HLCS: variants seen among roughly 807,000 people sequenced by gnomAD.
HLCS encodes biotin--protein ligase.
Under a neutral mutation model 75.0 loss-of-function variants are expected in HLCS, and 53 were observed. The observed-to-expected ratio is 0.71, with a 90% CI of 0.57 to 0.89. The LOEUF is 0.89. Among genes scored for constraint, HLCS ranks in the 40% least tolerant of loss-of-function variants. The pLI is 0.00. For missense variants in HLCS, 966 were observed against 1,074.0 expected (o/e 0.90, Z 1.41); for synonymous variants, 431 against 428.6 (o/e 1.01, Z -0.07).
chr21:36,914,947 G>A (rs771734528), intron 5 of HLCS, among the ~76,000 whole-genome samples: 7 of 152,268 alleles, frequency 4.6e-5, no homozygotes, highest in Non-Finnish European at 8.8e-5. Flanking sequence ...CATGGAAAAC[G>A]CTGGGGCTGA....
At chr21:36,763,370 C>T (rs78019651) in intron 8 of HLCS, among the ~76,000 whole-genome samples, 451 of 152,278 alleles carry the variant, frequency 3.0e-3, no homozygotes, top group Non-Finnish European at 5.3e-3. Context: ...TGCTCAAGGC[C>T]GGGCACCTGA....
At chr21:36,764,181 A>G (rs1032212630) in intron 8 of HLCS, among the ~76,000 whole-genome samples, 1 of 152,086 alleles carries the variant, frequency 6.6e-6, no homozygotes, top group Non-Finnish European at 1.5e-5. Context: ...GGCGGATCAC[A>G]AGGTCAAGAG....
chr21:36,845,388 G>A (rs1482672467), intron 6 of HLCS, among the ~76,000 whole-genome samples: 4 of 152,124 alleles, frequency 2.6e-5, no homozygotes, highest in Non-Finnish European at 4.4e-5. Context: ...CAGCTGTACG[G>A]ATGGGACTGC....
At chr21:36,909,022 A>C (rs1361831038) in intron 5 of HLCS, among the ~76,000 whole-genome samples, 1 of 151,998 alleles carries the variant, frequency 6.6e-6, no homozygotes, top group Non-Finnish European at 1.5e-5. Context: ...GTGAAACTCC[A>C]CCTCTACCAA....
chr21:36,983,632 T>A (rs920173227), intron 1 of HLCS, among the ~76,000 whole-genome samples: 1 of 151,678 alleles, frequency 6.6e-6, no homozygotes, highest in South Asian at 2.1e-4. Context: ...GGTCAGGAGA[T>A]CGAGACCATC....
At chr21:36,966,740 G>C (rs2068617553), upstream of HLCS, 1 of 415,246 alleles carries the variant, frequency 2.4e-6, no homozygotes, top group African/African-American at 2.2e-5. Flanking sequence ...CCCCGGGCCA[G>C]GCGGCGCGGG....
At chr21:36,967,085 G>T (rs1221550724), upstream of HLCS, among the ~76,000 whole-genome samples, 2 of 152,086 alleles carry the variant, frequency 1.3e-5, no homozygotes, top group Non-Finnish European at 2.9e-5. Context: ...GCCAAGTCCG[G>T]CCTCCCTTCC....
At chr21:36,963,002 G>C (rs557556247) in intron 1 of HLCS, among the ~76,000 whole-genome samples, 1 of 152,160 alleles carries the variant, frequency 6.6e-6, no homozygotes, top group South Asian at 2.1e-4. Flanking sequence ...GCAAGTCTCT[G>C]GATGCTCACA....
chr21:36,971,600 G>A (rs549636252), upstream of HLCS, among the ~76,000 whole-genome samples: 159 of 152,052 alleles, frequency 1.0e-3, 1 homozygote, highest in African/African-American at 3.2e-3. Flanking sequence ...AGACTGAGGC[G>A]GGCAGATCAC....
chr21:36,803,743 G>GT (rs1367685198), intron 6 of HLCS, among the ~76,000 whole-genome samples: 3 of 83,694 alleles, frequency 3.6e-5, no homozygotes, highest in East Asian at 3.6e-4. Flanking sequence ...TGTTTTGTTT[G>GT]TTTTTTTATT....
At chr21:36,813,631 C>T (rs993716974) in intron 6 of HLCS, among the ~76,000 whole-genome samples, 3 of 152,160 alleles carry the variant, frequency 2.0e-5, no homozygotes, top group African/African-American at 4.8e-5. Context: ...AATCAGGCGG[C>T]TCATAATTTC....
intron 6 of HLCS, among the ~76,000 whole-genome samples, chr21:36,877,217 A>G (rs1409423758): frequency 6.6e-6 from 1 of 152,190 alleles, no homozygotes; most frequent in African/African-American, 2.4e-5. Context: ...CCTTTTAATA[A>G]CAGGGCTTAG....
chr21:36,910,500 C>T (rs549612212), intron 5 of HLCS, among the ~76,000 whole-genome samples: 3 of 151,294 alleles, frequency 2.0e-5, no homozygotes, highest in South Asian at 4.2e-4. Flanking sequence ...GAGCAGAGAT[C>T]GCGCCACTGC....
chr21:36,967,998 G>GCGTT (rs1244525508), upstream of HLCS, among the ~76,000 whole-genome samples: 3 of 151,654 alleles, frequency 2.0e-5, no homozygotes, highest in Non-Finnish European at 4.4e-5. Flanking sequence ...GGGATTACAG[G>GCGTT]CGTGAACCAC....
rs749628504 is a variant in HLCS at position 36,765,215 on chromosome 21, T to C, written c.1961-43A>G. ...GTGGGAAACATGCTACCTTGCCACG[T>C]GGACAGACGCAGACACACGTCATGC... On this transcript the variant is annotated intron_variant, in intron 7 of 10. Transcript: ENST00000674895. 25 of 1,602,832 alleles carry C rather than the reference T, an allele frequency of 1.6e-5. No homozygotes were observed. The Admixed American group carries it at 3.7e-4, about 24-fold the overall frequency.
chr21:36,821,212 G>C (rs1451265680), intron 6 of HLCS, among the ~76,000 whole-genome samples: 2 of 152,170 alleles, frequency 1.3e-5, no homozygotes, highest in Non-Finnish European at 2.9e-5. Flanking sequence ...CTTGGGCAGG[G>C]GGCCACAGTG....
intron 6 of HLCS, among the ~76,000 whole-genome samples, chr21:36,845,550 T>C (rs181186306): frequency 4.6e-5 from 7 of 152,270 alleles, no homozygotes; most frequent in Admixed American, 4.6e-4. Flanking sequence ...GGCTCATTCA[T>C]GTCAGAGGCA....
intron 6 of HLCS, among the ~76,000 whole-genome samples, chr21:36,795,219 A>C (rs550922520): frequency 6.6e-6 from 1 of 152,312 alleles, no homozygotes; most frequent in African/African-American, 2.4e-5. Flanking sequence ...AAGCATGGTG[A>C]CCAAGCCATG....
chr21:36,870,802 C>T (rs1421515433), intron 6 of HLCS, among the ~76,000 whole-genome samples: 1 of 152,174 alleles, frequency 6.6e-6, no homozygotes, highest in Non-Finnish European at 1.5e-5. Flanking sequence ...ATGTTCCTAA[C>T]TCCCACAGGT....
Sources: gnomAD v4.1 joint callset for allele counts (sites outside exome capture counted in the v4.1 genomes callset) on GRCh38, gnomAD v4.1.1 for gene constraint, MANE v1.5 for transcripts, NCBI Gene and HGNC (gene_info 2026-07-23, HGNC 2026-07-21) for gene names.